EEF1AKMT2: variants seen among roughly 807,000 people sequenced by gnomAD.
The protein encoded by EEF1AKMT2 is EEF1A lysine methyltransferase 2.
EEF1AKMT2 carries 32 observed loss-of-function variants against 35.8 expected under a neutral mutation model. The observed-to-expected ratio is 0.89, with a 90% CI of 0.67 to 1.20. The LOEUF (loss-of-function observed/expected upper bound fraction) is 1.20. Among genes scored for constraint, EEF1AKMT2 ranks in the 50% most tolerant of loss-of-function variants. The pLI is 0.00. For missense variants in EEF1AKMT2, 330 were observed against 347.5 expected, an observed-to-expected ratio of 0.95 and a Z score of 0.40; for synonymous variants, 121 against 133.7, an observed-to-expected ratio of 0.91 and a Z score of 0.65.
chr10:124,773,656 A>ATCAAT (rs1950459059), intron 4 of EEF1AKMT2, among the ~76,000 whole-genome samples: 1 of 152,190 alleles, frequency 6.6e-6, no homozygotes, highest in Non-Finnish European at 1.5e-5. Flanking sequence ...ACATACATTT[A>ATCAAT]TCAATTAAGC....
intron 3 of EEF1AKMT2, among the ~76,000 whole-genome samples, chr10:124,782,292 T>C (rs1950546516): frequency 7.0e-6 from 1 of 143,254 alleles, no homozygotes; most frequent in Admixed American, 6.9e-5. Flanking sequence ...AGGTCAAGAG[T>C]TCAAGACCGG....
At position 124,765,469 on chromosome 10, in the gene EEF1AKMT2, A is replaced by C. The variant is rs752482031; in HGVS notation, c.539T>G (p.Val180Gly). 1 of 1,613,962 alleles carries C rather than the reference A, an allele frequency of 6.2e-7. No homozygotes were observed. The change falls in exon 5 of 7, where the codon GTG (valine) becomes GGG (glycine). Residue 180 changes from valine to glycine, a missense_variant. Transcript: ENST00000368836. ...RKQYVKSLSR[V>G]LKVKGFFLIT... Reference sequence around the variant, plus strand: ...TAGAAAAAAGCCTTTTACTTTCAACACCCTGGAGAGAGATTTCACATATTG... The same window carrying C: ...TAGAAAAAAGCCTTTTACTTTCAACCCCCTGGAGAGAGATTTCACATATTG...
chr10:124,756,635 A>G (rs1034136892), downstream of EEF1AKMT2, among the ~76,000 whole-genome samples: 1 of 152,188 alleles, frequency 6.6e-6, no homozygotes, highest in African/African-American at 2.4e-5. Flanking sequence ...GCCCATCTTG[A>G]CATCTAAGCT....
chr10:124,760,918 G>A (rs1407499127), intron 6 of EEF1AKMT2, among the ~76,000 whole-genome samples: 1 of 152,228 alleles, frequency 6.6e-6, no homozygotes, highest in African/African-American at 2.4e-5. Flanking sequence ...CACCGAGGCT[G>A]GAGTGCAGTG....
At chr10:124,785,903 A>C (rs1365804593) in intron 3 of EEF1AKMT2, among the ~76,000 whole-genome samples, 1 of 151,146 alleles carries the variant, frequency 6.6e-6, no homozygotes, top group Non-Finnish European at 1.5e-5. Context: ...CTCAAAAAAA[A>C]AAAAAAAAAA....
At chr10:124,769,494 C>T (rs1472467643) in intron 4 of EEF1AKMT2, among the ~76,000 whole-genome samples, 1 of 151,908 alleles carries the variant, frequency 6.6e-6, no homozygotes, top group African/African-American at 2.4e-5. Context: ...ACAAGCATCC[C>T]TCAGAGATAT....
At chr10:124,765,689 A>G in intron 4 of EEF1AKMT2, 81 bp from the exon 5 acceptor site, 1 of 1,033,416 alleles carries the variant, frequency 9.7e-7, no homozygotes, top group Non-Finnish European at 1.4e-6. Flanking sequence ...GTAAAAGGTT[A>G]TTAATAAAAG....
intron 4 of EEF1AKMT2, among the ~76,000 whole-genome samples, chr10:124,771,062 G>A (rs1031837065): frequency 9.2e-5 from 14 of 151,892 alleles, no homozygotes; most frequent in South Asian, 8.3e-4. Flanking sequence ...TGTTCTTCAC[G>A]ACAGGCAGAA....
chr10:124,781,996 G>A (rs915251496), intron 3 of EEF1AKMT2, among the ~76,000 whole-genome samples: 8 of 151,840 alleles, frequency 5.3e-5, no homozygotes, highest in African/African-American at 1.9e-4. Flanking sequence ...TGATTCCAAG[G>A]AGATTTTGAC....
chr10:124,789,577 G>A (rs993770216), intron 2 of EEF1AKMT2, among the ~76,000 whole-genome samples: 5 of 152,002 alleles, frequency 3.3e-5, no homozygotes, highest in Non-Finnish European at 7.4e-5. Flanking sequence ...GGGTAACACA[G>A]TGAGACCCTG....
chr10:124,771,041 T>C (rs901970402), intron 4 of EEF1AKMT2, among the ~76,000 whole-genome samples: 4 of 152,192 alleles, frequency 2.6e-5, no homozygotes, highest in Non-Finnish European at 5.9e-5. Context: ...TGACCTCCCA[T>C]GAATTATAAA....
chr10:124,778,173 C>A (rs1441972098), intron 3 of EEF1AKMT2, among the ~76,000 whole-genome samples: 1 of 150,710 alleles, frequency 6.6e-6, no homozygotes, highest in Non-Finnish European at 1.5e-5. Flanking sequence ...TATGTATAGA[C>A]AATTTTAACA....
intron 3 of EEF1AKMT2, among the ~76,000 whole-genome samples, chr10:124,778,688 A>C (rs1589788567): frequency 6.7e-6 from 1 of 149,288 alleles, no homozygotes; most frequent in Non-Finnish European, 1.5e-5. Flanking sequence ...GGCACATGGC[A>C]CTCCAGCCTG....
intron 3 of EEF1AKMT2, chr10:124,782,991 A>T (rs1270031909): frequency 2.3e-6 from 1 of 427,130 alleles, no homozygotes; most frequent in Non-Finnish European, 4.6e-6. Flanking sequence ...TTCACTTCAA[A>T]TATAATAATA....
At chr10:124,767,275 A>T (rs1181533021) in intron 4 of EEF1AKMT2, among the ~76,000 whole-genome samples, 1 of 151,242 alleles carries the variant, frequency 6.6e-6, no homozygotes, top group East Asian at 1.9e-4. Context: ...ACACTTAGGG[A>T]GGCCAAGGCA....
chr10:124,780,355 TCA>T (rs1950529684), intron 3 of EEF1AKMT2, among the ~76,000 whole-genome samples: 1 of 152,040 alleles, frequency 6.6e-6, no homozygotes, highest in Non-Finnish European at 1.5e-5. Flanking sequence ...ATTAGAAAAT[TCA>T]CATTGTGAAA....
chr10:124,783,193 TGCAG>T (rs1950558044), intron 3 of EEF1AKMT2, among the ~76,000 whole-genome samples: 1 of 135,522 alleles, frequency 7.4e-6, no homozygotes, highest in Non-Finnish European at 1.5e-5. Context: ...CAGGCTGGAG[TGCAG>T]TGGGGCCATC....
intron 3 of EEF1AKMT2, among the ~76,000 whole-genome samples, chr10:124,784,029 G>A (rs1321996651): frequency 6.6e-6 from 1 of 151,978 alleles, no homozygotes; most frequent in Non-Finnish European, 1.5e-5. Flanking sequence ...TCTCCATGTT[G>A]GTCAGGCTGG....
In EEF1AKMT2 at chr10:124,762,564, C is replaced by A. The variant is rs1203597376; in HGVS notation, c.617-6G>T. The A allele has an allele frequency of 5.9e-6, 7 of 1,189,026 alleles. No homozygotes were observed. Among genetic ancestry groups the A allele is most frequent in the South Asian group, 1.6e-5 (1 of 63,820 alleles). 73.7% of individuals were successfully genotyped at this position (1,189,026 alleles called of 1,614,324 possible). A position where few individuals can be genotyped will look rare whatever the true frequency, so the allele number is the denominator to read the frequency against. ...TCCTGCCACTGTACTCCAACCTGGG[C>A]AACAGAGAGAGAGACAGACCGTTTC... On this transcript the variant is annotated splice_polypyrimidine_tract_variant and splice_region_variant and intron_variant, in intron 5 of 6. Coordinates refer to ENST00000368836, the MANE Select transcript of EEF1AKMT2 (RefSeq NM_212554.4).
Sources: allele counts gnomAD v4.1 joint callset (sites outside exome capture counted in the v4.1 genomes callset), GRCh38; gene constraint gnomAD v4.1.1; transcripts MANE v1.5; gene names NCBI Gene and HGNC (gene_info 2026-07-23, HGNC 2026-07-21).